Variants in TMCO5A observed in about 807,000 individuals in gnomAD.
TMCO5A encodes the protein transmembrane and coiled-coil domain-containing protein 5A.
A neutral mutation model predicts 42.3 loss-of-function variants in TMCO5A; 34 were observed. The ratio of observed to expected loss-of-function variants is 0.80; its 90% CI spans 0.61 to 1.07. The LOEUF is 1.07. Among genes scored for constraint, TMCO5A ranks in the 50% least tolerant of loss-of-function variants. The pLI is 0.00. For synonymous variants in TMCO5A, 131 were observed against 115.6 expected, an observed-to-expected ratio of 1.13 and a Z score of -0.86; for missense variants, 357 against 327.9, an observed-to-expected ratio of 1.09 and a Z score of -0.69.
the TMCO5A span, among the ~76,000 whole-genome samples, chr15:37,989,714 G>T: frequency 5.9e-5 from 9 of 152,004 alleles, no homozygotes; most frequent in Non-Finnish European, 8.8e-5. Context: ...AATCTACAAA[G>T]AACAGTTTTG....
chr15:38,005,064 T>C, the TMCO5A span, among the ~76,000 whole-genome samples: 2 of 151,920 alleles, frequency 1.3e-5, no homozygotes, highest in Non-Finnish European at 2.9e-5. Flanking sequence ...GTCTGTTTCT[T>C]TACAATGGTT....
At chr15:37,947,799 T>A in intron 11 of TMCO5A, 103 bp downstream of exon 11, 1 of 710,110 alleles carries the variant, frequency 1.4e-6, no homozygotes, top group Non-Finnish European at 2.5e-6. Flanking sequence ...TGTATATGCG[T>A]GTGCACACAT....
the TMCO5A span, among the ~76,000 whole-genome samples, chr15:38,031,773 T>C: frequency 5.9e-5 from 9 of 152,230 alleles, no homozygotes; most frequent in African/African-American, 1.9e-4. Context: ...AGATAATAAA[T>C]GATTACTGTC....
At chr15:38,005,816 GA>G in the TMCO5A span, among the ~76,000 whole-genome samples, 1 of 152,164 alleles carries the variant, frequency 6.6e-6, no homozygotes, top group Non-Finnish European at 1.5e-5. Context: ...ATGAACTTTA[GA>G]AATAGGCAAA....
the TMCO5A span, among the ~76,000 whole-genome samples, chr15:38,003,343 C>T: frequency 2.0e-5 from 3 of 151,970 alleles, no homozygotes; most frequent in East Asian, 1.9e-4. Flanking sequence ...TGGGTCAGAC[C>T]CAAAGCCAGC....
At chr15:37,980,073 C>G in the TMCO5A span, among the ~76,000 whole-genome samples, 767 of 152,210 alleles carry the variant, frequency 5.0e-3, 7 homozygotes, top group African/African-American at 0.017. Context: ...AGCCAGAAAA[C>G]TAAGGGGCCT....
intron 10 of TMCO5A, chr15:37,944,492 G>C (rs1889863474): frequency 6.6e-6 from 1 of 152,100 alleles, no homozygotes; most frequent in Non-Finnish European, 1.5e-5. Flanking sequence ...GGATGCCTGA[G>C]AACTGACTGT....
chr15:37,984,553 T>C, the TMCO5A span, among the ~76,000 whole-genome samples: 1 of 152,212 alleles, frequency 6.6e-6, no homozygotes, highest in Admixed American at 6.5e-5. Context: ...CTGGTTGTTA[T>C]GGTTTGAATG....
At chr15:38,027,985 G>A in the TMCO5A span, among the ~76,000 whole-genome samples, 12 of 152,282 alleles carry the variant, frequency 7.9e-5, no homozygotes, top group South Asian at 2.5e-3. Flanking sequence ...TCTTGGGTAT[G>A]TCTTTATTAG....
chr15:38,022,408 T>C, the TMCO5A span, among the ~76,000 whole-genome samples: 3 of 152,152 alleles, frequency 2.0e-5, no homozygotes, highest in Non-Finnish European at 4.4e-5. Flanking sequence ...AGGCTATATA[T>C]GATATTATTC....
At chr15:38,024,100 A>G in the TMCO5A span, among the ~76,000 whole-genome samples, 3 of 152,210 alleles carry the variant, frequency 2.0e-5, no homozygotes, top group Non-Finnish European at 4.4e-5. Flanking sequence ...CTGCTTTCCA[A>G]GCTTGGGCCT....
chr15:37,984,873 T>C, the TMCO5A span: 1 of 151,910 alleles, frequency 6.6e-6, no homozygotes, highest in Admixed American at 6.6e-5. Flanking sequence ...ACCCTGTCTA[T>C]GGTATTTTGT....
the TMCO5A span, among the ~76,000 whole-genome samples, chr15:37,994,312 G>C: frequency 2.6e-4 from 40 of 152,190 alleles, no homozygotes; most frequent in Non-Finnish European, 4.4e-4. Flanking sequence ...TGCAAGATCC[G>C]GCTAAGAGAG....
chr15:37,990,555 G>T, the TMCO5A span, among the ~76,000 whole-genome samples: 2 of 151,720 alleles, frequency 1.3e-5, no homozygotes, highest in Admixed American at 6.6e-5. Context: ...TGTGTGTGTG[G>T]GATTTTTTAA....
At chr15:37,943,033 G>C (rs552446492) in intron 9 of TMCO5A, 2 of 242,876 alleles carry the variant, frequency 8.2e-6, no homozygotes, top group South Asian at 1.3e-4. Context: ...AGTCACTCAA[G>C]ATCCCTGCTG....
chr15:38,013,633 C>T, the TMCO5A span, among the ~76,000 whole-genome samples: 1 of 152,242 alleles, frequency 6.6e-6, no homozygotes, highest in African/African-American at 2.4e-5. Context: ...TTTTCTTAAT[C>T]CAGTCTATGG....
the TMCO5A span, among the ~76,000 whole-genome samples, chr15:38,035,205 C>G: frequency 2.0e-5 from 3 of 152,326 alleles, no homozygotes; most frequent in South Asian, 4.1e-4. Context: ...ATTCTACATC[C>G]AAACATATGC....
the TMCO5A span, among the ~76,000 whole-genome samples, chr15:38,036,180 A>G: frequency 6.6e-6 from 1 of 152,084 alleles, no homozygotes; most frequent in Admixed American, 6.6e-5. Context: ...TTCCAGCTCA[A>G]TTGCAAGAGC....
intron 11 of TMCO5A, among the ~76,000 whole-genome samples, chr15:37,960,910 G>A (rs1847158): frequency 0.64 from 96,698 of 151,992 alleles, 34,497 homozygotes; most frequent in Middle Eastern, 0.82. Flanking sequence ...GTTTGAGTTT[G>A]TTCTAGATTC....
Sources: allele counts gnomAD v4.1 joint callset (sites outside exome capture counted in the v4.1 genomes callset), GRCh38; gene constraint gnomAD v4.1.1; transcripts MANE v1.5; gene names NCBI Gene and HGNC (gene_info 2026-07-23, HGNC 2026-07-21).